Variants in FANCB observed in about 807,000 individuals in gnomAD.
FANCB encodes the protein Fanconi anemia group B protein.
Under a neutral mutation model 38.9 loss-of-function variants are expected in FANCB, and 5 were observed. The ratio of observed to expected loss-of-function variants is 0.13; its 90% CI spans 0.07 to 0.27. FANCB has a LOEUF of 0.27. Ranked by LOEUF, FANCB falls within the 10% of genes least tolerant of loss-of-function variation. The pLI, the probability that FANCB is intolerant of heterozygous loss-of-function variation, is 1.00. For synonymous variants in FANCB, 236 were observed against 215.4 expected (o/e 1.10, Z -0.84); for missense variants, 573 against 602.7 (o/e 0.95, Z 0.52).
chrX:14,814,190 A>T, the FANCB span, among the ~76,000 whole-genome samples: 44 of 111,957 alleles, frequency 3.9e-4, no homozygotes, highest in Non-Finnish European at 7.9e-4. Flanking sequence ...TGGATTAAAG[A>T]CTTAAATGTT....
rs138251388 is a variant in FANCB, at chrX:14,865,003, T to A, written c.508A>T (p.Ile170Phe). The A allele has an allele frequency of 1.7e-6, 2 of 1,208,941 alleles. No individual in the cohort carries two copies. The highest frequency in any genetic ancestry group is 2.2e-6 in the Non-Finnish European group (2 of 894,711). The stretch of plus-strand genomic sequence containing the variant: ...TTTTCAATCTCCCCTGCCCACTGAA[T>A]AGAGGAAAAGTTACCTGACACACTA... ...VVSVSGNFSSIQWAGEIENLG... is the reference protein window; with the variant it reads ...VVSVSGNFSSFQWAGEIENLG... Residue 170 changes from isoleucine to phenylalanine, a missense_variant, in exon 3 of 10, where the codon ATT (isoleucine) becomes TTT (phenylalanine). By Grantham distance (21) the Ile-to-Phe change is conservative. Coordinates refer to ENST00000650831, the MANE Select transcript of FANCB (RefSeq NM_001018113.3).
chrX:14,703,024 T>C, the FANCB span, among the ~76,000 whole-genome samples: 2 of 111,700 alleles, frequency 1.8e-5, no homozygotes, highest in East Asian at 2.8e-4. Context: ...AGCAGTGCCA[T>C]GGGACCTTAT....
rs1362333027 is a variant in FANCB at position 14,853,021 on chromosome X, T to C, written c.1326+18A>G. The stretch of plus-strand genomic sequence containing the variant: ...TTCAATTCATAAAATGATAAAATGG[T>C]CACATGATTACTTTTACCTCCTCTG... On this transcript the variant is annotated intron_variant, in intron 6 of 9. Coordinates refer to ENST00000650831, the MANE Select transcript of FANCB (RefSeq NM_001018113.3). 8.5e-7 allele frequency: 1 copy of C among 1,182,954 alleles called. No individual in the cohort carries two copies. The highest frequency in any genetic ancestry group is 2.2e-5 in the Admixed American group (1 of 45,508).
chrX:14,767,497 C>T, the FANCB span, among the ~76,000 whole-genome samples: 1 of 111,117 alleles, frequency 9.0e-6, no homozygotes, highest in Non-Finnish European at 1.9e-5. Context: ...TTCTTATGAG[C>T]AGTATCTATT....
the FANCB span, among the ~76,000 whole-genome samples, chrX:14,812,126 G>C: frequency 9.1e-6 from 1 of 109,721 alleles, no homozygotes; most frequent in Non-Finnish European, 1.9e-5. Context: ...CGAGAACAAA[G>C]ACACAACATA....
the FANCB span, among the ~76,000 whole-genome samples, chrX:14,701,625 G>A: frequency 9.0e-6 from 1 of 111,638 alleles, no homozygotes; most frequent in African/African-American, 3.3e-5. Flanking sequence ...AATGAAAGGA[G>A]AATATTTTAC....
chrX:14,858,614 C>G lies in FANCB; in HGVS notation c.1104+568G>C, dbSNP rs1034672128. Among the ~76,000 whole-genome samples the G allele has an allele frequency of 2.7e-5, 3 of 111,350 alleles. No individual in the cohort carries two copies. In the East Asian group the frequency reaches 8.4e-4, roughly 31 times the overall value. ...CTCTGACACCCAGGTTGAAGTGCAA[C>G]ATAATAATCATAGCTCACTGCAGCC... On this transcript the variant is annotated intron_variant, in intron 4 of 9. Transcript: ENST00000650831.
At chrX:14,790,336 G>GA in the FANCB span, among the ~76,000 whole-genome samples, 3 of 111,888 alleles carry the variant, frequency 2.7e-5, no homozygotes, top group East Asian at 8.5e-4. Context: ...CTGGCAACAG[G>GA]AATTAAGTGT....
At chrX:14,731,281 A>G in the FANCB span, 1 of 112,183 alleles carries the variant, frequency 8.9e-6, no homozygotes, top group Non-Finnish European at 1.9e-5. Flanking sequence ...TTGATAGTGT[A>G]CCCTCTTAAT....
At chrX:14,742,841 T>G in the FANCB span, among the ~76,000 whole-genome samples, 3 of 112,776 alleles carry the variant, frequency 2.7e-5, no homozygotes, top group African/African-American at 9.7e-5. Flanking sequence ...GGTAAACATT[T>G]TCCTAATTGA....
chrX:14,803,792 A>G, the FANCB span, among the ~76,000 whole-genome samples: 1 of 111,638 alleles, frequency 9.0e-6, no homozygotes, highest in East Asian at 2.8e-4. Context: ...TACAAGAAAA[A>G]AACACACAAC....
rs774864167 is a variant in FANCB, at chrX:14,859,509, T to C, written c.952-175A>G. Among the ~76,000 whole-genome samples, 255 of 112,261 alleles carry C rather than the reference T, an allele frequency of 2.3e-3. 1 individual carries two copies. The highest frequency in any genetic ancestry group is 4.3e-3 in the Non-Finnish European group (230 of 53,199). ...AAAGATATTAGGGGATGAGGAAATA[T>C]AAGAGTTATAAAAACTTTATAAATA... On this transcript the variant is annotated intron_variant, in intron 3 of 9. Transcript: ENST00000650831.
At chrX:14,815,449 A>C in the FANCB span, among the ~76,000 whole-genome samples, 1 of 112,531 alleles carries the variant, frequency 8.9e-6, no homozygotes, top group Non-Finnish European at 1.9e-5. Context: ...GAATATTGCT[A>C]ATCATCAGAT....
At chrX:14,823,628 T>C in the FANCB span, among the ~76,000 whole-genome samples, 6 of 112,064 alleles carry the variant, frequency 5.4e-5, no homozygotes, top group South Asian at 2.2e-3. Context: ...TTCAACTAAT[T>C]ATATTTTTTC....
chrX:14,865,195 C>G lies in FANCB; in HGVS notation c.316G>C (p.Glu106Gln). ...IEKNKKNNVF[E>Q]YFLLILHSTN... Reference sequence around the variant, plus strand: ...CTGTGAAGGATTAGTAAAAAATATTCAAAAACATTATTCTTTTTATTTTTT... The same window carrying G: ...CTGTGAAGGATTAGTAAAAAATATTGAAAAACATTATTCTTTTTATTTTTT... The change falls in exon 3 of 10, where the codon GAA (glutamate) becomes CAA (glutamine). Residue 106 changes from glutamate (E) to glutamine (Q), a missense_variant. Coordinates refer to ENST00000650831, the MANE Select transcript of FANCB (RefSeq NM_001018113.3). 1 of 1,164,685 alleles carries G rather than the reference C, an allele frequency of 8.6e-7. No individual in the cohort carries two copies. Among genetic ancestry groups the G allele is most frequent in the Non-Finnish European group, 1.1e-6 (1 of 873,393 alleles).
the FANCB span, among the ~76,000 whole-genome samples, chrX:14,764,769 T>C: frequency 3.0e-4 from 34 of 112,085 alleles, no homozygotes; most frequent in African/African-American, 1.1e-3. Flanking sequence ...GTTTGGTTTA[T>C]GTGACCAATA....
the FANCB span, among the ~76,000 whole-genome samples, chrX:14,760,440 T>C: frequency 3.6e-5 from 4 of 111,330 alleles, no homozygotes; most frequent in African/African-American, 1.3e-4. Context: ...GGTCAACAGG[T>C]TCAAAGTCAT....
At chrX:14,851,302 T>C (rs2092400585) in intron 6 of FANCB, among the ~76,000 whole-genome samples, 1 of 111,931 alleles carries the variant, frequency 8.9e-6, no homozygotes, top group African/African-American at 3.2e-5. Flanking sequence ...ACAATAACCC[T>C]AGTGCCCTAG....
the FANCB span, among the ~76,000 whole-genome samples, chrX:14,773,890 G>A: frequency 1.3e-4 from 15 of 111,202 alleles, no homozygotes; most frequent in East Asian, 3.4e-3. Flanking sequence ...CCGGGGAAGA[G>A]TCTTAATTTG....
Sources: gnomAD v4.1 joint callset for allele counts (sites outside exome capture counted in the v4.1 genomes callset) on GRCh38, gnomAD v4.1.1 for gene constraint, MANE v1.5 for transcripts, NCBI Gene and HGNC (gene_info 2026-07-23, HGNC 2026-07-21) for gene names.